Variants in ICA1L observed in about 807,000 individuals in gnomAD.
ICA1L encodes the protein islet cell autoantigen 1-like protein.
A neutral mutation model predicts 61.3 loss-of-function variants in ICA1L; 50 were observed. That is an observed-to-expected ratio of 0.82 (90% CI 0.65 to 1.03). The LOEUF is 1.03. Ranked by LOEUF, ICA1L falls within the 50% of genes least tolerant of loss-of-function variation. The pLI is 0.00. For synonymous variants in ICA1L, 161 were observed against 191.3 expected (o/e 0.84, Z 1.31); for missense variants, 508 against 556.7 (o/e 0.91, Z 0.88).
At chr2:202,808,341 C>T (rs887786715) in intron 9 of ICA1L, among the ~76,000 whole-genome samples, 1 of 151,798 alleles carries the variant, frequency 6.6e-6, no homozygotes, top group African/African-American at 2.4e-5. Context: ...CCAGGCAGTA[C>T]CTGCTGCAGG....
chr2:202,840,142 AT>A (rs1484032437), intron 1 of ICA1L, among the ~76,000 whole-genome samples: 1 of 146,718 alleles, frequency 6.8e-6, no homozygotes, highest in Non-Finnish European at 1.5e-5. Flanking sequence ...AAGCGATTGA[AT>A]TGTTTTGTAG....
intron 9 of ICA1L, among the ~76,000 whole-genome samples, chr2:202,799,131 T>C (rs1049605467): frequency 2.0e-5 from 3 of 152,244 alleles, no homozygotes; most frequent in African/African-American, 7.2e-5. Context: ...TTTCTTTGGA[T>C]AGATAACCAC....
At chr2:202,790,073 A>G (rs1392165094) in intron 10 of ICA1L, among the ~76,000 whole-genome samples, 1 of 152,364 alleles carries the variant, frequency 6.6e-6, no homozygotes, top group Non-Finnish European at 1.5e-5. Flanking sequence ...TTTTCTGTCT[A>G]TAAAACCAAC....
Position 202,774,036 on chromosome 2 carries a change from C to G in ICA1L, c.*5497G>C, listed in dbSNP as rs1301119364. 1.1e-6 allele frequency: 1 copy of G among 878,840 alleles called. No individual in the cohort carries two copies. Among genetic ancestry groups the G allele is most frequent in the Admixed American group, 2.4e-5 (1 of 41,570 alleles). 54.4% of individuals were successfully genotyped at this position (878,840 alleles called of 1,614,324 possible). ...TTTTAAATTATGAACTAGCGCTGCT[C>G]CACTTCTTGCTTCTTTGATGTGTCA... On this transcript the variant is annotated 3_prime_UTR_variant, in exon 13 of 13. Transcript: ENST00000358299.
chr2:202,864,998 C>T (rs1687447976), intron 1 of ICA1L, among the ~76,000 whole-genome samples: 1 of 151,908 alleles, frequency 6.6e-6, no homozygotes, highest in Non-Finnish European at 1.5e-5. Context: ...CCTGCCTCTA[C>T]TAAAAAATAC....
At chr2:202,859,024 C>G (rs929665284) in intron 1 of ICA1L, among the ~76,000 whole-genome samples, 24 of 152,136 alleles carry the variant, frequency 1.6e-4, no homozygotes, top group African/African-American at 5.8e-4. Context: ...CATCAACCGC[C>G]CATTAATTCA....
intron 11 of ICA1L, among the ~76,000 whole-genome samples, chr2:202,788,624 C>G (rs79566125): frequency 0.089 from 13,463 of 151,716 alleles, 738 homozygotes; most frequent in Middle Eastern, 0.19. Flanking sequence ...TGAAGGTGGG[C>G]AGGGAAACAG....
At chr2:202,814,210 G>A (rs911730623) in intron 8 of ICA1L, among the ~76,000 whole-genome samples, 11 of 152,166 alleles carry the variant, frequency 7.2e-5, no homozygotes, top group African/African-American at 2.7e-4. Flanking sequence ...TTGGGAGGTG[G>A]AGACCTAGTA....
intron 1 of ICA1L, among the ~76,000 whole-genome samples, chr2:202,851,740 T>C (rs1365560106): frequency 6.6e-6 from 1 of 152,232 alleles, no homozygotes; most frequent in East Asian, 1.9e-4. Context: ...GTGGTTTTGA[T>C]TTGCATTTCT....
In ICA1L at chr2:202,812,803, G is replaced by T. The variant is rs1693417756; in HGVS notation, c.867-1014C>A. Among the ~76,000 whole-genome samples the T allele has an allele frequency of 2.0e-5, 3 of 151,912 alleles. No individual in the cohort carries two copies. The South Asian group carries it at 6.2e-4, about 32-fold the overall frequency. On this transcript the variant is annotated intron_variant, in intron 8 of 12. Transcript: ENST00000358299. Reference sequence around the variant, plus strand: ...GTATTATGTTTTTTTAAACAACTTGGATGGAAGAGAAGGTGAAGAGCTTGG... The same window carrying T: ...GTATTATGTTTTTTTAAACAACTTGTATGGAAGAGAAGGTGAAGAGCTTGG...
intron 1 of ICA1L, among the ~76,000 whole-genome samples, chr2:202,836,794 T>G (rs1235026459): frequency 3.1e-5 from 2 of 64,100 alleles, no homozygotes; most frequent in Non-Finnish European, 8.0e-5. Flanking sequence ...TGTGTGTATA[T>G]CTATATATAT....
chr2:202,841,604 C>A, intron 1 of ICA1L: 1 of 665,948 alleles, frequency 1.5e-6, no homozygotes, highest in East Asian at 3.1e-5. Flanking sequence ...GCCACTGGCC[C>A]CACCATAACT....
rs1341563253 is a variant in ICA1L, at chr2:202,779,175, G to C, written c.*358C>G. 5.7e-6 allele frequency: 1 copy of C among 175,278 alleles called. No individual in the cohort carries two copies. The highest frequency in any genetic ancestry group is 1.2e-5 in the Non-Finnish European group (1 of 83,882). 10.9% of individuals were successfully genotyped at this position (175,278 alleles called of 1,614,324 possible). A position where few individuals can be genotyped will look rare whatever the true frequency, so the allele number is the denominator to read the frequency against. On this transcript the variant is annotated 3_prime_UTR_variant, in exon 13 of 13. Transcript: ENST00000358299. ...ATATAAAATTCTCACAGCCAGCAAG[G>C]CAACTTAAAAGGGTTTCCAAAGAAA... is the stretch of plus-strand genomic sequence containing the variant.
intron 9 of ICA1L, among the ~76,000 whole-genome samples, 162 bp downstream of exon 9, chr2:202,811,584 C>T (rs1456517023): frequency 6.7e-6 from 1 of 149,822 alleles, no homozygotes; most frequent in Non-Finnish European, 1.5e-5. Context: ...ATGGCATGAA[C>T]CTGGGAGGCA....
chr2:202,843,683 T>A (rs1487582831), intron 1 of ICA1L, among the ~76,000 whole-genome samples: 2 of 152,200 alleles, frequency 1.3e-5, no homozygotes, highest in Non-Finnish European at 2.9e-5. Flanking sequence ...GAATGCGAGA[T>A]GCAGATGCTT....
chr2:202,816,052 C>T, intron 6 of ICA1L, 43 bp from the exon 7 acceptor site: 1 of 1,296,050 alleles, frequency 7.7e-7, no homozygotes, highest in Non-Finnish European at 1.1e-6. Flanking sequence ...TGCTTCCCCT[C>T]CATGATTTTT....
Position 202,776,075 on chromosome 2 carries a change from A to G in ICA1L, c.*3458T>C, listed in dbSNP as rs947262860. 3.3e-5 allele frequency: 5 copies of G among 152,254 alleles called. No individual in the cohort carries two copies. The highest frequency in any genetic ancestry group is 5.9e-5 in the Non-Finnish European group (4 of 68,052). 9.4% of individuals were successfully genotyped at this position (152,254 alleles called of 1,614,324 possible). ...TGCTGTAAGACCTCTACATTTCTAG[A>G]TGGTCTATACAGATACGTGAAATAT... On this transcript the variant is annotated 3_prime_UTR_variant, in exon 13 of 13. Coordinates refer to ENST00000358299, the MANE Select transcript of ICA1L (RefSeq NM_001288622.3).
At chr2:202,793,576 G>A (rs929898519) in intron 10 of ICA1L, among the ~76,000 whole-genome samples, 3 of 150,540 alleles carry the variant, frequency 2.0e-5, no homozygotes, top group Admixed American at 6.7e-5. Context: ...TACTCAGGAG[G>A]CTGAGCCAGG....
chr2:202,802,077 G>A (rs1193338311), intron 9 of ICA1L, among the ~76,000 whole-genome samples: 3 of 152,106 alleles, frequency 2.0e-5, no homozygotes, highest in Non-Finnish European at 2.9e-5. Context: ...ATATGGATGT[G>A]AGTCAAAAAG....
Sources: gnomAD v4.1 joint callset for allele counts (sites outside exome capture counted in the v4.1 genomes callset) on GRCh38, gnomAD v4.1.1 for gene constraint, MANE v1.5 for transcripts, NCBI Gene and HGNC (gene_info 2026-07-23, HGNC 2026-07-21) for gene names.